Variants in PCSK2 observed in about 807,000 individuals in gnomAD.
PCSK2 encodes proprotein convertase subtilisin/kexin type 2.
A neutral mutation model predicts 69.7 loss-of-function variants in PCSK2; 14 were observed. The ratio of observed to expected loss-of-function variants is 0.20; its 90% CI spans 0.13 to 0.31. The LOEUF (loss-of-function observed/expected upper bound fraction) is 0.31, where lower values mean the gene tolerates loss of function less well. Ranked by LOEUF, PCSK2 falls within the 10% of genes least tolerant of loss-of-function variation. The probability of loss-of-function intolerance (pLI) is 1.00; values close to 1 mark genes in which losing one functional copy is unlikely to be tolerated. For synonymous variants in PCSK2, 307 were observed against 320.7 expected, an observed-to-expected ratio of 0.96 and a Z score of 0.46; for missense variants, 544 against 842.5, an observed-to-expected ratio of 0.65 and a Z score of 4.39.
chr20:17,229,820 C>A (rs1986081551), intron 1 of PCSK2, among the ~76,000 whole-genome samples: 1 of 152,136 alleles, frequency 6.6e-6, no homozygotes, highest in African/African-American at 2.4e-5. Context: ...TTTCCTGATG[C>A]TACAGACCAC....
chr20:17,337,323 A>G (rs891619534), intron 2 of PCSK2, among the ~76,000 whole-genome samples: 6 of 152,220 alleles, frequency 3.9e-5, no homozygotes, highest in East Asian at 1.9e-4. Flanking sequence ...ACTGCTTTCA[A>G]CAGAATATGA....
intron 5 of PCSK2, among the ~76,000 whole-genome samples, chr20:17,383,729 A>G (rs926764515): frequency 1.3e-5 from 2 of 152,344 alleles, no homozygotes; most frequent in Middle Eastern, 3.4e-3. Context: ...CTGTTCCACT[A>G]GAAGAGAATT....
intron 11 of PCSK2, among the ~76,000 whole-genome samples, chr20:17,467,056 G>A (rs894809072): frequency 6.6e-6 from 1 of 152,282 alleles, no homozygotes; most frequent in Non-Finnish European, 1.5e-5. Flanking sequence ...ATATTTCCGA[G>A]GACCATCGAG....
At chr20:17,328,405 T>C (rs1383164986) in intron 2 of PCSK2, among the ~76,000 whole-genome samples, 1 of 148,576 alleles carries the variant, frequency 6.7e-6, no homozygotes, top group Non-Finnish European at 1.5e-5. Context: ...ATTATGCAAT[T>C]ATATATATTA....
chr20:17,396,047 C>T (rs997142721), intron 5 of PCSK2, among the ~76,000 whole-genome samples: 1 of 152,182 alleles, frequency 6.6e-6, no homozygotes, highest in South Asian at 2.1e-4. Context: ...GAGGCAAGGG[C>T]GGAGAAGCTT....
At chr20:17,342,981 C>T (rs1990550346) in intron 2 of PCSK2, among the ~76,000 whole-genome samples, 1 of 152,048 alleles carries the variant, frequency 6.6e-6, no homozygotes, top group Admixed American at 6.6e-5. Context: ...CACAACACAG[C>T]GAGGTTCCTG....
At chr20:17,287,431 C>CTGTGTGTGTGTG (rs67695913) in intron 2 of PCSK2, among the ~76,000 whole-genome samples, 6,032 of 145,934 alleles carry the variant, frequency 0.041, 292 homozygotes, top group East Asian at 0.21. Context: ...ATGTGCGTGT[C>CTGTGTGTGTGTG]TGTGTGTGTG....
chr20:17,354,357 C>T (rs768354003), intron 2 of PCSK2, among the ~76,000 whole-genome samples: 9 of 151,990 alleles, frequency 5.9e-5, no homozygotes, highest in Non-Finnish European at 1.0e-4. Context: ...GCATGTTATT[C>T]GTATCACATC....
At chr20:17,350,653 C>A (rs1055291401) in intron 2 of PCSK2, among the ~76,000 whole-genome samples, 33 of 152,270 alleles carry the variant, frequency 2.2e-4, no homozygotes, top group African/African-American at 7.5e-4. Context: ...ATTGAGAATC[C>A]ATCAACCTGA....
intron 5 of PCSK2, among the ~76,000 whole-genome samples, chr20:17,400,941 T>A (rs1000198049): frequency 6.6e-6 from 1 of 152,218 alleles, no homozygotes; most frequent in Non-Finnish European, 1.5e-5. Flanking sequence ...TTCTAATATT[T>A]CACTATTACA....
intron 11 of PCSK2, 110 bp downstream of exon 11, chr20:17,465,663 TTTTG>T (rs200283337): frequency 8.8e-5 from 65 of 738,840 alleles, no homozygotes; most frequent in East Asian, 3.8e-4. Flanking sequence ...CAACTGTATT[TTTTG>T]TTTGTTTGTT....
intron 11 of PCSK2, among the ~76,000 whole-genome samples, chr20:17,475,027 G>A (rs1265400240): frequency 6.6e-6 from 1 of 151,978 alleles, no homozygotes; most frequent in African/African-American, 2.4e-5. Flanking sequence ...GATTGGGTTT[G>A]AGTACATGTG....
chr20:17,454,020 A>T (rs1320218139), intron 9 of PCSK2, 63 bp downstream of exon 9: 3 of 1,596,988 alleles, frequency 1.9e-6, no homozygotes, highest in Non-Finnish European at 1.7e-6. Context: ...TCAGGGTGGG[A>T]TGCTGGGACA....
intron 2 of PCSK2, among the ~76,000 whole-genome samples, chr20:17,278,627 G>A (rs1040039434): frequency 6.6e-6 from 1 of 152,032 alleles, no homozygotes; most frequent in Non-Finnish European, 1.5e-5. Context: ...GCTAAATGAC[G>A]AGTTAATGGG....
At chr20:17,459,288 G>A (rs989161989) in intron 10 of PCSK2, among the ~76,000 whole-genome samples, 2 of 152,228 alleles carry the variant, frequency 1.3e-5, no homozygotes, top group East Asian at 3.9e-4. Flanking sequence ...GTTATAGGTC[G>A]TTCATTCTCA....
chr20:17,396,904 G>A (rs915631970), intron 5 of PCSK2, among the ~76,000 whole-genome samples: 1 of 152,208 alleles, frequency 6.6e-6, no homozygotes, highest in African/African-American at 2.4e-5. Flanking sequence ...TAGGAAATGG[G>A]AGAAATCCAA....
chr20:17,421,990 T>A (rs1179190364), intron 6 of PCSK2, among the ~76,000 whole-genome samples: 1 of 152,138 alleles, frequency 6.6e-6, no homozygotes, highest in Non-Finnish European at 1.5e-5. Context: ...GACTTTATCA[T>A]AAGTTATTTT....
In PCSK2 at chr20:17,368,543, CT is replaced by C. The variant is rs1161041956; in HGVS notation, c.506-693del. On this transcript the variant is annotated intron_variant, in intron 4 of 11. Coordinates refer to ENST00000262545, the MANE Select transcript of PCSK2 (RefSeq NM_002594.5). Reference sequence around the variant, plus strand: ...GTGGTTTTGCAAACCCAAATGAGAGCTTTTCAATTGCCCTTGGAGTTTCTTG... The same window carrying C: ...GTGGTTTTGCAAACCCAAATGAGAGCTTTCAATTGCCCTTGGAGTTTCTTG... 2.6e-5 allele frequency among the ~76,000 whole-genome samples: 4 copies of C among 152,316 alleles called. No homozygotes were observed. In the East Asian group the frequency reaches 7.7e-4, roughly 29 times the overall value.
intron 8 of PCSK2, among the ~76,000 whole-genome samples, chr20:17,443,000 CAA>C (rs370983376): frequency 1.5e-4 from 23 of 152,194 alleles, no homozygotes; most frequent in African/African-American, 5.5e-4. Flanking sequence ...CCCAAAATGA[CAA>C]GTTTCCCAAC....
Sources: gnomAD v4.1 joint callset for allele counts (sites outside exome capture counted in the v4.1 genomes callset) on GRCh38, gnomAD v4.1.1 for gene constraint, MANE v1.5 for transcripts, NCBI Gene and HGNC (gene_info 2026-07-23, HGNC 2026-07-21) for gene names.